The following KCNK13 variants were observed in gnomAD, a reference collection of about 807,000 sequenced individuals.
The protein encoded by KCNK13 is potassium two pore domain channel subfamily K member 13, also known as potassium channel subfamily K member 13.
A neutral mutation model predicts 23.4 loss-of-function variants in KCNK13; 12 were observed. That is an observed-to-expected ratio of 0.51 (90% CI 0.33 to 0.83). The LOEUF is 0.83. Among genes scored for constraint, KCNK13 ranks in the 40% least tolerant of loss-of-function variants. The probability of loss-of-function intolerance (pLI) is 0.02; values close to 1 mark genes in which losing one functional copy is unlikely to be tolerated. For synonymous variants in KCNK13, 231 were observed against 229.5 expected (o/e 1.01, Z -0.06); for missense variants, 463 against 556.3 (o/e 0.83, Z 1.69).
At chr14:90,091,915 G>T (rs1596773776) in intron 1 of KCNK13, among the ~76,000 whole-genome samples, 2 of 150,748 alleles carry the variant, frequency 1.3e-5, no homozygotes, top group Admixed American at 1.3e-4. Context: ...TTTCATTTTG[G>T]GAAAGAGAAC....
intron 1 of KCNK13, among the ~76,000 whole-genome samples, chr14:90,072,979 CAT>C (rs1889093868): frequency 6.6e-6 from 1 of 152,278 alleles, no homozygotes; most frequent in African/African-American, 2.4e-5. Flanking sequence ...TTAATACTCT[CAT>C]GTTGCAAACA....
intron 1 of KCNK13, among the ~76,000 whole-genome samples, chr14:90,099,026 G>A (rs1370094376): frequency 6.6e-6 from 1 of 152,016 alleles, no homozygotes. Context: ...GCAGTGAGCC[G>A]AGAGTGCGCC....
At chr14:90,158,669 G>A (rs1410369766) in intron 1 of KCNK13, among the ~76,000 whole-genome samples, 2 of 152,230 alleles carry the variant, frequency 1.3e-5, no homozygotes, top group African/African-American at 4.8e-5. Flanking sequence ...GGTAGAGGAG[G>A]GAGAAGGTTC....
chr14:90,105,232 C>T (rs186926228), intron 1 of KCNK13, among the ~76,000 whole-genome samples: 3 of 152,206 alleles, frequency 2.0e-5, no homozygotes, highest in Admixed American at 6.5e-5. Flanking sequence ...ATTGTCCAAG[C>T]TTGTTTCTGC....
intron 1 of KCNK13, among the ~76,000 whole-genome samples, chr14:90,155,512 A>G (rs1596802592): frequency 6.6e-6 from 1 of 152,176 alleles, no homozygotes; most frequent in Non-Finnish European, 1.5e-5. Flanking sequence ...CTAGGGAAGG[A>G]TAGCTGCAGA....
intron 1 of KCNK13, among the ~76,000 whole-genome samples, chr14:90,117,350 G>T (rs545851352): frequency 6.6e-6 from 1 of 152,280 alleles, no homozygotes; most frequent in South Asian, 2.1e-4. Flanking sequence ...AGCACTTTGG[G>T]AGGCTGAGGA....
intron 1 of KCNK13, among the ~76,000 whole-genome samples, chr14:90,146,162 A>T (rs989324509): frequency 6.6e-6 from 1 of 152,156 alleles, no homozygotes; most frequent in African/African-American, 2.4e-5. Flanking sequence ...GTGCATAAAC[A>T]TTTAGAATTT....
At chr14:90,178,765 G>A (rs567714308) in intron 1 of KCNK13, among the ~76,000 whole-genome samples, 1 of 152,182 alleles carries the variant, frequency 6.6e-6, no homozygotes, top group South Asian at 2.1e-4. Flanking sequence ...ATGTCCTCGT[G>A]TAGCATTTGA....
chr14:90,064,046 A>G (rs941333285), intron 1 of KCNK13, among the ~76,000 whole-genome samples: 1 of 152,028 alleles, frequency 6.6e-6, no homozygotes, highest in African/African-American at 2.4e-5. Context: ...TAACACCCCC[A>G]TGGTTCTCCC....
At chr14:90,137,964 G>A (rs1468157423) in intron 1 of KCNK13, among the ~76,000 whole-genome samples, 2 of 152,156 alleles carry the variant, frequency 1.3e-5, no homozygotes, top group Non-Finnish European at 2.9e-5. Flanking sequence ...GTTATCTATG[G>A]TGGAGTAGGG....
intron 1 of KCNK13, among the ~76,000 whole-genome samples, chr14:90,115,260 G>A (rs1389131840): frequency 2.0e-5 from 3 of 152,140 alleles, no homozygotes; most frequent in Admixed American, 6.5e-5. Flanking sequence ...ATCTCTGAAG[G>A]GTAATTACTG....
intron 1 of KCNK13, among the ~76,000 whole-genome samples, chr14:90,101,810 A>AAAAAAAAAAAAC (rs1465117776): frequency 1.2e-4 from 18 of 149,412 alleles, no homozygotes; most frequent in African/African-American, 4.5e-4. Context: ...AAAAAAAAAA[A>AAAAAAAAAAAAC]AACCTCACAA....
chr14:90,063,193 A>C (rs1888966395), intron 1 of KCNK13, among the ~76,000 whole-genome samples: 1 of 152,136 alleles, frequency 6.6e-6, no homozygotes, highest in Non-Finnish European at 1.5e-5. Context: ...GTAGGAGAGA[A>C]TCGCACTCAG....
At chr14:90,094,684 G>C (rs1229149766) in intron 1 of KCNK13, among the ~76,000 whole-genome samples, 1 of 119,398 alleles carries the variant, frequency 8.4e-6, no homozygotes, top group Non-Finnish European at 1.6e-5. Context: ...GAGCCTCACT[G>C]TCGCCCAGGC....
At chr14:90,072,674 C>G (rs982626224) in intron 1 of KCNK13, among the ~76,000 whole-genome samples, 2 of 152,154 alleles carry the variant, frequency 1.3e-5, no homozygotes, top group African/African-American at 4.8e-5. Flanking sequence ...CAGTTACACT[C>G]TCTTAAACTC....
chr14:90,173,714 T>C (rs1211578896), intron 1 of KCNK13, among the ~76,000 whole-genome samples: 1 of 152,034 alleles, frequency 6.6e-6, no homozygotes, highest in Non-Finnish European at 1.5e-5. Flanking sequence ...AAAGTAGAGG[T>C]TACAAGCAGA....
chr14:90,133,012 G>C (rs571082556), intron 1 of KCNK13, among the ~76,000 whole-genome samples: 56 of 152,236 alleles, frequency 3.7e-4, no homozygotes, highest in Non-Finnish European at 7.1e-4. Context: ...CGGCTTCATA[G>C]CTTATCTAAC....
At chr14:90,149,672 C>T (rs982395634) in intron 1 of KCNK13, among the ~76,000 whole-genome samples, 6 of 152,246 alleles carry the variant, frequency 3.9e-5, no homozygotes, top group African/African-American at 1.4e-4. Context: ...AACCGTTTGC[C>T]TGTTGCTGTG....
chr14:90,083,819 A>C (rs1292842943), intron 1 of KCNK13, among the ~76,000 whole-genome samples: 1 of 152,276 alleles, frequency 6.6e-6, no homozygotes, highest in Non-Finnish European at 1.5e-5. Context: ...GGACTAAGAC[A>C]GGATCCAACT....
Sources: gnomAD v4.1 joint callset for allele counts (sites outside exome capture counted in the v4.1 genomes callset) on GRCh38, gnomAD v4.1.1 for gene constraint, MANE v1.5 for transcripts, NCBI Gene and HGNC (gene_info 2026-07-23, HGNC 2026-07-21) for gene names.